Variants in TYR observed in about 807,000 individuals in gnomAD.
TYR encodes the protein tyrosinase.
In TYR, 58 loss-of-function variants were observed where a neutral mutation model predicts 51.5. The observed-to-expected ratio is 1.13, with a 90% CI of 0.91 to 1.40. The LOEUF (loss-of-function observed/expected upper bound fraction) is 1.40. Among genes scored for constraint, TYR ranks in the 40% most tolerant of loss-of-function variants. TYR has a pLI of 0.00. For synonymous variants in TYR, 263 were observed against 235.2 expected (o/e 1.12, Z -1.08); for missense variants, 732 against 647.4 (o/e 1.13, Z -1.42).
chr11:89,196,584 C>A (rs1943522505), intron 2 of TYR, among the ~76,000 whole-genome samples: 1 of 152,032 alleles, frequency 6.6e-6, no homozygotes, highest in African/African-American at 2.4e-5. Flanking sequence ...CTTACATATA[C>A]CAAGAATAGT....
intron 2 of TYR, among the ~76,000 whole-genome samples, chr11:89,211,617 A>G (rs1943756889): frequency 6.6e-6 from 1 of 152,226 alleles, no homozygotes. Context: ...AGACATCTAC[A>G]GAACTCTCCA....
chr11:89,253,354 G>A (rs749638330), intron 3 of TYR, among the ~76,000 whole-genome samples: 4 of 151,540 alleles, frequency 2.6e-5, no homozygotes, highest in Non-Finnish European at 4.4e-5. Flanking sequence ...ATAATACTTC[G>A]TTTCCAGGTA....
At chr11:89,195,301 A>G (rs888953553) in intron 2 of TYR, among the ~76,000 whole-genome samples, 3 of 152,184 alleles carry the variant, frequency 2.0e-5, no homozygotes, top group Non-Finnish European at 4.4e-5. Flanking sequence ...ATTTTTGTCT[A>G]CTGAAGTTAT....
intron 3 of TYR, among the ~76,000 whole-genome samples, chr11:89,256,345 T>A (rs189706034): frequency 2.3e-4 from 35 of 151,922 alleles, no homozygotes; most frequent in African/African-American, 8.4e-4. Flanking sequence ...CTATAATTAC[T>A]AGGTTTTTCT....
chr11:89,274,112 C>A (rs889663000), intron 3 of TYR, among the ~76,000 whole-genome samples: 12 of 151,828 alleles, frequency 7.9e-5, no homozygotes, highest in African/African-American at 2.4e-4. Flanking sequence ...AAGAGTGGAG[C>A]ACATGAAGTT....
In TYR at chr11:89,177,920, A is replaced by G; in HGVS notation, c.-34A>G. ...GAGAAATCTGTGACTCCAATTAGCC[A>G]GTTCCTGCAGACCTTGTGAGGACTA... On this transcript the variant is annotated 5_prime_UTR_variant, in exon 1 of 5. Coordinates refer to ENST00000263321, the MANE Select transcript of TYR (RefSeq NM_000372.5). 6.2e-7 allele frequency: 1 copy of G among 1,605,358 alleles called. No individual in the cohort carries two copies. Among genetic ancestry groups the G allele is most frequent in the Non-Finnish European group, 8.5e-7 (1 of 1,173,134 alleles).
intron 3 of TYR, among the ~76,000 whole-genome samples, chr11:89,237,408 T>C (rs943532296): frequency 6.6e-6 from 1 of 152,160 alleles, no homozygotes; most frequent in Non-Finnish European, 1.5e-5. Flanking sequence ...CTAATTTCAT[T>C]ATTCTGAATG....
chr11:89,202,376 C>T (rs1018092748), intron 2 of TYR, among the ~76,000 whole-genome samples: 4 of 151,594 alleles, frequency 2.6e-5, no homozygotes, highest in Non-Finnish European at 4.4e-5. Flanking sequence ...ATGAAAATTG[C>T]ACAGTAAAAG....
chr11:89,286,487 C>A (rs1197161406), intron 4 of TYR, among the ~76,000 whole-genome samples: 4 of 151,820 alleles, frequency 2.6e-5, no homozygotes, highest in African/African-American at 9.6e-5. Flanking sequence ...ATCATTATTT[C>A]TTTTGCTTTT....
intron 2 of TYR, among the ~76,000 whole-genome samples, chr11:89,192,518 C>A (rs577096211): frequency 6.6e-6 from 1 of 151,516 alleles, no homozygotes; most frequent in African/African-American, 2.4e-5. Flanking sequence ...TCCTTTTTGT[C>A]ATTGTTTTAC....
chr11:89,237,775 G>A lies in TYR; in HGVS notation c.1184+9805G>A, dbSNP rs951908499. ...GCATTGAAACTGCAGATTGCTTTAG[G>A]TAGTATCAACATTTTAATAATATTC... On this transcript the variant is annotated intron_variant, in intron 3 of 4. Coordinates refer to ENST00000263321, the MANE Select transcript of TYR (RefSeq NM_000372.5). Among the ~76,000 whole-genome samples the A allele has an allele frequency of 2.6e-5, 4 of 151,960 alleles. No individual in the cohort carries two copies. The Middle Eastern group carries it at 0.01, about 388-fold the overall frequency.
intron 1 of TYR, among the ~76,000 whole-genome samples, chr11:89,179,354 T>A (rs1022583434): frequency 3.9e-5 from 6 of 152,222 alleles, no homozygotes; most frequent in African/African-American, 1.2e-4. Context: ...ATCTTCATTT[T>A]TGAAAGTATG....
intron 3 of TYR, among the ~76,000 whole-genome samples, chr11:89,249,844 C>G (rs1404150706): frequency 6.6e-6 from 1 of 151,998 alleles, no homozygotes; most frequent in East Asian, 1.9e-4. Flanking sequence ...ATTGCCACAG[C>G]AAGGTACTGG....
At chr11:89,260,148 G>T (rs886973450) in intron 3 of TYR, among the ~76,000 whole-genome samples, 1 of 151,580 alleles carries the variant, frequency 6.6e-6, no homozygotes, top group African/African-American at 2.4e-5. Flanking sequence ...AGGCAAGGAC[G>T]TGTGCAGTAG....
At chr11:89,201,916 A>G (rs1390787383) in intron 2 of TYR, among the ~76,000 whole-genome samples, 1 of 152,122 alleles carries the variant, frequency 6.6e-6, no homozygotes, top group African/African-American at 2.4e-5. Flanking sequence ...TCAGGATGAA[A>G]TGTCAAAGAA....
At chr11:89,259,257 TC>T (rs1185080770) in intron 3 of TYR, among the ~76,000 whole-genome samples, 1 of 152,118 alleles carries the variant, frequency 6.6e-6, no homozygotes, top group Non-Finnish European at 1.5e-5. Flanking sequence ...CTAGACATCT[TC>T]CTTGCAAGCT....
At chr11:89,227,456 C>T (rs550660677) in intron 2 of TYR, among the ~76,000 whole-genome samples, 9 of 152,246 alleles carry the variant, frequency 5.9e-5, no homozygotes, top group Admixed American at 4.6e-4. Flanking sequence ...AAAAGATCTG[C>T]TATGAGTGTT....
chr11:89,272,418 G>T (rs7943909), intron 3 of TYR, among the ~76,000 whole-genome samples: 9,459 of 151,420 alleles, frequency 0.062, 426 homozygotes, highest in East Asian at 0.12. Context: ...GAAGGAGTGG[G>T]TCTCAACAGT....
intron 4 of TYR, among the ~76,000 whole-genome samples, chr11:89,288,564 T>C (rs970316040): frequency 1.3e-5 from 2 of 152,040 alleles, no homozygotes; most frequent in African/African-American, 2.4e-5. Flanking sequence ...AAAGAAACAA[T>C]TTACTTGAAA....
Sources: gnomAD v4.1 joint callset for allele counts (sites outside exome capture counted in the v4.1 genomes callset) on GRCh38, gnomAD v4.1.1 for gene constraint, MANE v1.5 for transcripts, NCBI Gene and HGNC (gene_info 2026-07-23, HGNC 2026-07-21) for gene names.